ATP13A3: variants seen among roughly 807,000 people sequenced by gnomAD.
ATP13A3 encodes the protein ATPase 13A3, also known as polyamine-transporting ATPase 13A3.
Under a neutral mutation model 158.1 loss-of-function variants are expected in ATP13A3, and 59 were observed. The ratio of observed to expected loss-of-function variants is 0.37; its 90% CI spans 0.30 to 0.46. The LOEUF is 0.46. Among genes scored for constraint, ATP13A3 ranks in the 20% least tolerant of loss-of-function variants. The pLI, the probability that ATP13A3 is intolerant of heterozygous loss-of-function variation, is 1.00. For synonymous variants in ATP13A3, 491 were observed against 504.3 expected (o/e 0.97, Z 0.35); for missense variants, 1,166 against 1,525.2 (o/e 0.76, Z 3.92).
intron 20 of ATP13A3, among the ~76,000 whole-genome samples, chr3:194,434,821 G>A (rs2108834954): frequency 6.6e-6 from 1 of 152,292 alleles, no homozygotes; most frequent in South Asian, 2.1e-4. Context: ...TGGAAGGCTT[G>A]AGGAGTGAGG....
intron 11 of ATP13A3, among the ~76,000 whole-genome samples, chr3:194,449,729 T>C (rs1718675431): frequency 6.6e-6 from 1 of 151,750 alleles, no homozygotes. Flanking sequence ...TACCTCAAGA[T>C]TGTGAATTTC....
At chr3:194,474,004 C>A (rs1720421249) in intron 2 of ATP13A3, among the ~76,000 whole-genome samples, 1 of 152,168 alleles carries the variant, frequency 6.6e-6, no homozygotes, top group African/African-American at 2.4e-5. Context: ...TTAACATCAT[C>A]TTGTATTGCA....
Position 194,446,948 on chromosome 3 carries a change from G to A in ATP13A3, c.1476C>T (p.Leu492=), listed in dbSNP as rs1394977956. ...CCACCTTGTCAAAGCAAACAAGATT[G>A]AGCTGTCCACAAATATTTATTCTTT... is the stretch of plus-strand genomic sequence containing the variant. ...SPQRINICGQ[L]NLVCFDKTGT... The change falls in exon 14 of 34, where the codon CTC becomes CTT. Residue 492 remains leucine (L), a synonymous_variant. Transcript: ENST00000645319. The A allele has an allele frequency of 3.1e-6, 5 of 1,610,602 alleles. No homozygotes were observed. In the East Asian group the frequency reaches 8.9e-5, roughly 29 times the overall value.
At chr3:194,457,252 C>A in intron 6 of ATP13A3, 78 bp from the exon 7 acceptor site, 1 of 1,067,952 alleles carries the variant, frequency 9.4e-7, no homozygotes, top group Non-Finnish European at 1.4e-6. Context: ...TTCTATATGC[C>A]TGATTTTATA....
At chr3:194,486,308 C>G (rs11916640) in intron 1 of ATP13A3, among the ~76,000 whole-genome samples, 18,472 of 151,864 alleles carry the variant, frequency 0.12, 2,064 homozygotes, top group African/African-American at 0.29. Flanking sequence ...TTTCCGAAAG[C>G]TCTGACTACC....
intron 2 of ATP13A3, among the ~76,000 whole-genome samples, chr3:194,469,210 C>G (rs1341950959): frequency 6.6e-6 from 1 of 151,614 alleles, no homozygotes; most frequent in Non-Finnish European, 1.5e-5. Context: ...ATAATCCCAG[C>G]ACTTTGAGAG....
intron 29 of ATP13A3, among the ~76,000 whole-genome samples, chr3:194,425,861 A>G (rs541749102): frequency 6.6e-6 from 1 of 152,214 alleles, no homozygotes. Flanking sequence ...ATCACTTTTC[A>G]GTGCTAACTG....
chr3:194,449,700 CAAAAAAAAAAT>C (rs2108907260), intron 11 of ATP13A3, among the ~76,000 whole-genome samples: 1 of 147,848 alleles, frequency 6.8e-6, no homozygotes, highest in South Asian at 2.1e-4. Context: ...AAAAAAAAAA[CAAAAAAAAAAT>C]CAAGCTCTAC....
intron 30 of ATP13A3, among the ~76,000 whole-genome samples, chr3:194,421,153 A>ATATACTATATATATAGTT (rs1553796378): frequency 9.8e-4 from 4 of 4,102 alleles, no homozygotes; most frequent in East Asian, 8.5e-3. Flanking sequence ...ATATATATAT[A>ATATACTATATATATAGTT]TATATATATA....
chr3:194,462,735 A>G (rs994028026), intron 2 of ATP13A3, among the ~76,000 whole-genome samples: 1 of 152,206 alleles, frequency 6.6e-6, no homozygotes, highest in African/African-American at 2.4e-5. Flanking sequence ...CATGGGATGT[A>G]TCAAACTTTA....
intron 8 of ATP13A3, 113 bp from the exon 9 acceptor site, chr3:194,454,505 T>C (rs1035092660): frequency 6.7e-6 from 8 of 1,193,892 alleles, no homozygotes; most frequent in South Asian, 5.5e-5. Context: ...ATAAGCTCCA[T>C]AGTATTCTAC....
intron 2 of ATP13A3, among the ~76,000 whole-genome samples, chr3:194,476,216 C>T (rs1720516473): frequency 1.3e-5 from 2 of 152,130 alleles, no homozygotes; most frequent in South Asian, 4.1e-4. Flanking sequence ...CCTCTGCCCG[C>T]TTCTTAATTT....
intron 8 of ATP13A3, among the ~76,000 whole-genome samples, chr3:194,454,836 A>G (rs1251623418): frequency 1.3e-5 from 2 of 152,152 alleles, no homozygotes; most frequent in African/African-American, 4.8e-5. Flanking sequence ...AAAAAAAAAA[A>G]AAAGGTAGGG....
chr3:194,487,610 T>A (rs1018799053), upstream of ATP13A3: 4 of 152,218 alleles, frequency 2.6e-5, no homozygotes, highest in African/African-American at 9.7e-5. Context: ...AGGCGCCTCT[T>A]CCGACCGTCC....
Position 194,454,533 on chromosome 3 carries a change from T to C in ATP13A3, c.631-141A>G, listed in dbSNP as rs1719056787. On this transcript the variant is annotated intron_variant, in intron 8 of 33. Transcript: ENST00000645319. The stretch of plus-strand genomic sequence containing the variant: ...TATTCTACGGCAAAATGTACTTCCC[T>C]AAAAAGTAGGGCAGGCTGGGCGCGG... 62 of 997,770 alleles carry C rather than the reference T, an allele frequency of 6.2e-5. No individual in the cohort carries two copies. The South Asian group carries it at 6.4e-4, about 10-fold the overall frequency. The allele number at this position is 997,770 out of a possible 1,614,324, so 61.8% of individuals were successfully genotyped here.
intron 29 of ATP13A3, among the ~76,000 whole-genome samples, chr3:194,426,459 C>A (rs1235520244): frequency 6.6e-6 from 1 of 152,126 alleles, no homozygotes; most frequent in Non-Finnish European, 1.5e-5. Context: ...ATTTCCTAAA[C>A]TGGGGGATGA....
intron 2 of ATP13A3, among the ~76,000 whole-genome samples, chr3:194,484,196 T>C (rs539800195): frequency 2.1e-4 from 32 of 152,222 alleles, no homozygotes; most frequent in Admixed American, 5.2e-4. Flanking sequence ...GCTAGGTTTC[T>C]GTCTGTCTTC....
At chr3:194,464,500 T>C (rs1719875860) in intron 2 of ATP13A3, among the ~76,000 whole-genome samples, 1 of 152,198 alleles carries the variant, frequency 6.6e-6, no homozygotes, top group African/African-American at 2.4e-5. Flanking sequence ...TGGCAGTTAT[T>C]TTCAAGGGCT....
chr3:194,431,253 T>A, intron 22 of ATP13A3, 27 bp from the exon 23 acceptor site: 15 of 1,558,418 alleles, frequency 9.6e-6, no homozygotes, highest in Non-Finnish European at 1.3e-5. Flanking sequence ...TTGGGAACAA[T>A]ATTTAGGCAA....
Sources: gnomAD v4.1 joint callset for allele counts (sites outside exome capture counted in the v4.1 genomes callset) on GRCh38, gnomAD v4.1.1 for gene constraint, MANE v1.5 for transcripts, NCBI Gene and HGNC (gene_info 2026-07-23, HGNC 2026-07-21) for gene names.